CDH17: variants seen among roughly 807,000 people sequenced by gnomAD.
The protein encoded by CDH17 is cadherin-17.
A neutral mutation model predicts 86.3 loss-of-function variants in CDH17; 67 were observed. That is an observed-to-expected ratio of 0.78 (90% CI 0.64 to 0.95). The LOEUF is 0.95. CDH17 is among the 40% of genes least tolerant of loss of function. CDH17 has a pLI of 0.00. For missense variants in CDH17, 993 were observed against 1,017.6 expected (o/e 0.98, Z 0.33); for synonymous variants, 367 against 366.4 (o/e 1.00, Z -0.02).
intron 5 of CDH17, among the ~76,000 whole-genome samples, chr8:94,174,857 TCTTA>T (rs1813341819): frequency 6.6e-6 from 1 of 152,190 alleles, no homozygotes; most frequent in Non-Finnish European, 1.5e-5. Flanking sequence ...ATGCCATTTT[TCTTA>T]CTATTTTTGT....
At chr8:94,186,851 C>T (rs967896051) in intron 3 of CDH17, among the ~76,000 whole-genome samples, 12 of 152,226 alleles carry the variant, frequency 7.9e-5, no homozygotes, top group African/African-American at 2.7e-4. Context: ...TGCTATAGGA[C>T]GAAGGGCTAG....
chr8:94,139,973 G>GT (rs1330766869), intron 15 of CDH17, among the ~76,000 whole-genome samples: 4 of 152,012 alleles, frequency 2.6e-5, no homozygotes, highest in Non-Finnish European at 5.9e-5. Context: ...AAATTTAAAA[G>GT]TATTCTAGTC....
chr8:94,160,072 T>C lies in CDH17; in HGVS notation c.1450A>G (p.Ser484Gly), dbSNP rs1554586937. 5 of 1,613,862 alleles carry C rather than the reference T, an allele frequency of 3.1e-6. No individual in the cohort carries two copies. In the South Asian group the frequency reaches 5.5e-5, roughly 18 times the overall value. ...ATGATATGATACAGAATTTTAGAAC[T>C]CCCAGTAAATGGCTCATCAGCATCA... ...ATDADEPFTG[S>G]SKILYHIIKG... Residue 484 changes from serine to glycine, a missense_variant, in exon 12 of 18, where the codon AGT becomes GGT. Ser to Gly is a moderately conservative substitution (Grantham distance 56, BLOSUM62 0). Coordinates refer to ENST00000027335, the MANE Select transcript of CDH17 (RefSeq NM_004063.4).
At chr8:94,163,423 A>G (rs1813095922) in intron 10 of CDH17, among the ~76,000 whole-genome samples, 1 of 152,218 alleles carries the variant, frequency 6.6e-6, no homozygotes, top group Non-Finnish European at 1.5e-5. Flanking sequence ...GTGGCAAGAG[A>G]CTGGAGGGAG....
chr8:94,195,795 C>T (rs1463794648), intron 1 of CDH17, among the ~76,000 whole-genome samples: 1 of 149,772 alleles, frequency 6.7e-6, no homozygotes, highest in East Asian at 2.0e-4. Flanking sequence ...GAGTCCTGCT[C>T]TGTCGCCCAG....
intron 15 of CDH17, among the ~76,000 whole-genome samples, chr8:94,134,268 T>G (rs1343882566): frequency 6.6e-6 from 1 of 152,258 alleles, no homozygotes; most frequent in Non-Finnish European, 1.5e-5. Context: ...AATTCAGCTG[T>G]GAATCCATCT....
Position 94,177,716 on chromosome 8 carries a change from C to T in CDH17, c.156G>A (p.Lys52=). The change falls in exon 4 of 18, where the codon AAG becomes AAA. Residue 52 remains lysine, a synonymous_variant. Coordinates refer to ENST00000027335, the MANE Select transcript of CDH17 (RefSeq NM_004063.4). ...QEPSQIIFQF[K]ANPPAVTFEL... ...CAAAAGTCACAGCAGGAGGATTGGC[C>T]TTAAACTGGGGAAAAAGCAAAAAAC... 1 of 1,613,334 alleles carries T rather than the reference C, an allele frequency of 6.2e-7. No individual in the cohort carries two copies. The highest frequency in any genetic ancestry group is 8.5e-7 in the Non-Finnish European group (1 of 1,179,664).
At chr8:94,141,931 ATT>A (rs1020496581) in intron 15 of CDH17, among the ~76,000 whole-genome samples, 1 of 152,200 alleles carries the variant, frequency 6.6e-6, no homozygotes, top group African/African-American at 2.4e-5. Flanking sequence ...AGTCGGAAAA[ATT>A]AATCTACCTG....
intron 15 of CDH17, among the ~76,000 whole-genome samples, chr8:94,139,851 C>T (rs1422559445): frequency 6.6e-6 from 1 of 151,394 alleles, no homozygotes; most frequent in Admixed American, 6.6e-5. Context: ...TGTGCCACTG[C>T]ACTCCAGCCT....
Position 94,170,537 on chromosome 8 carries a change from T to G in CDH17, c.926A>C (p.Tyr309Ser). The change falls in exon 9 of 18, where the codon TAT (tyrosine) becomes TCT (serine). Residue 309 changes from tyrosine (Y) to serine (S), a missense_variant. Transcript: ENST00000027335. The part of the protein sequence containing the change: ...DREEKDAYVF[Y>S]AVAKDEYGKP... ...TCCGTACTCATCCTTTGCAACTGCATAAAAAACATACTACAACAGGAAAGT... is the reference window on the plus strand; with the variant it reads ...TCCGTACTCATCCTTTGCAACTGCAGAAAAAACATACTACAACAGGAAAGT... The G allele has an allele frequency of 6.2e-7, 1 of 1,613,596 alleles. No homozygotes were observed. Among genetic ancestry groups the G allele is most frequent in the Non-Finnish European group, 8.5e-7 (1 of 1,179,706 alleles).
rs188175989 is a variant in CDH17, at chr8:94,127,437, A to T, written c.*803T>A. On this transcript the variant is annotated 3_prime_UTR_variant, in exon 18 of 18. Transcript: ENST00000027335. ...TGAAGAATTTCAGCCAAAGAGCAAC[A>T]TGTCACATTGATTAAAGATGGTTAA... The T allele has an allele frequency of 6.6e-6, 1 of 152,248 alleles. No homozygotes were observed. 9.4% of individuals were successfully genotyped at this position (152,248 alleles called of 1,614,324 possible).
intron 9 of CDH17, among the ~76,000 whole-genome samples, chr8:94,167,239 C>A (rs780784451): frequency 3.3e-5 from 5 of 152,148 alleles, no homozygotes; most frequent in Non-Finnish European, 7.3e-5. Context: ...GGCTATGACT[C>A]GGTTCTGCAC....
intron 14 of CDH17, among the ~76,000 whole-genome samples, chr8:94,147,080 G>A (rs534324990): frequency 8.5e-5 from 13 of 152,272 alleles, no homozygotes; most frequent in Admixed American, 1.3e-4. Context: ...ACAGGGTTTT[G>A]GACCCTGGTT....
At chr8:94,193,390 A>G (rs989029219) in intron 2 of CDH17, among the ~76,000 whole-genome samples, 4 of 152,250 alleles carry the variant, frequency 2.6e-5, no homozygotes, top group Non-Finnish European at 4.4e-5. Context: ...TAGTAATTAT[A>G]GTAGCTAATG....
At chr8:94,213,954 ACT>A (rs1198610390) in intron 1 of CDH17, among the ~76,000 whole-genome samples, 1 of 151,458 alleles carries the variant, frequency 6.6e-6, no homozygotes, top group Non-Finnish European at 1.5e-5. Flanking sequence ...CCTGTCACTC[ACT>A]CTGTGGAGGT....
In CDH17 at chr8:94,137,647, C is replaced by T. The variant is rs1006585869; in HGVS notation, c.2168-6655G>A. ...AGAGCCATTTTAAACAATGAAATCA[C>T]CAATGAAAAGCACAGAAACGTGAAA... On this transcript the variant is annotated intron_variant, in intron 15 of 17. Transcript: ENST00000027335. Among the ~76,000 whole-genome samples the T allele has an allele frequency of 2.4e-4, 36 of 151,946 alleles. 2 individuals are homozygous for T. Among genetic ancestry groups the T allele is most frequent in the Non-Finnish European group, 4.4e-5 (3 of 68,012 alleles).
At chr8:94,178,333 T>C (rs947647328) in intron 3 of CDH17, among the ~76,000 whole-genome samples, 6 of 152,114 alleles carry the variant, frequency 3.9e-5, no homozygotes, top group African/African-American at 1.4e-4. Context: ...TTATATATTT[T>C]TATTAAATTA....
rs1812336094 is a variant in CDH17, at chr8:94,128,092, C to CA, written c.*147dup. On this transcript the variant is annotated 3_prime_UTR_variant, in exon 18 of 18. Coordinates refer to ENST00000027335, the MANE Select transcript of CDH17 (RefSeq NM_004063.4). ...TGGGCGACAGAGCAAGACTCCACCTCAAAAAAGAAATATTTAGCAAATATT... is the reference window on the plus strand; with the variant it reads ...TGGGCGACAGAGCAAGACTCCACCTCAAAAAAAGAAATATTTAGCAAATATT... The CA allele has an allele frequency of 3.2e-6, 2 of 619,330 alleles. No individual in the cohort carries two copies. Among genetic ancestry groups the CA allele is most frequent in the African/African-American group, 1.9e-5 (1 of 53,954 alleles). 38.4% of individuals were successfully genotyped at this position (619,330 alleles called of 1,614,324 possible).
chr8:94,196,809 C>T (rs1038975417), intron 1 of CDH17, among the ~76,000 whole-genome samples: 1 of 152,078 alleles, frequency 6.6e-6, no homozygotes, highest in South Asian at 2.1e-4. Context: ...ATCTGGGGGC[C>T]GGGCATGTTC....
Sources: gnomAD v4.1 joint callset for allele counts (sites outside exome capture counted in the v4.1 genomes callset) on GRCh38, gnomAD v4.1.1 for gene constraint, MANE v1.5 for transcripts, NCBI Gene and HGNC (gene_info 2026-07-23, HGNC 2026-07-21) for gene names.